SLCO6A1: variants seen among roughly 807,000 people sequenced by gnomAD.
SLCO6A1 encodes the protein solute carrier organic anion transporter family member 6A1.
In SLCO6A1, 65 loss-of-function variants were observed where a neutral mutation model predicts 72.7. That is an observed-to-expected ratio of 0.89 (90% confidence interval 0.73 to 1.10). The LOEUF (loss-of-function observed/expected upper bound fraction) is 1.10, where lower values mean the gene tolerates loss of function less well. SLCO6A1 is among the 50% of genes least tolerant of loss of function. SLCO6A1 has a pLI of 0.00. For missense variants in SLCO6A1, 874 were observed against 872.6 expected (o/e 1.00, Z -0.02); for synonymous variants, 314 against 298.2 (o/e 1.05, Z -0.55).
At chr5:102,432,025 G>T (rs1435710760) in intron 7 of SLCO6A1, among the ~76,000 whole-genome samples, 1 of 152,068 alleles carries the variant, frequency 6.6e-6, no homozygotes, top group Admixed American at 6.5e-5. Flanking sequence ...TTTATTTAAA[G>T]TCTGAAATTA....
intron 8 of SLCO6A1, among the ~76,000 whole-genome samples, chr5:102,416,072 A>G (rs895412456): frequency 6.6e-6 from 1 of 152,122 alleles, no homozygotes. Context: ...GTTAGAAAAG[A>G]TATGGAGAAA....
At chr5:102,433,295 C>G (rs1041736690) in intron 7 of SLCO6A1, among the ~76,000 whole-genome samples, 6 of 152,120 alleles carry the variant, frequency 3.9e-5, no homozygotes, top group Non-Finnish European at 5.9e-5. Context: ...GGTTAAGGAC[C>G]CTTGCTGGAG....
At chr5:102,460,899 C>CATATAT (rs60973292) in intron 4 of SLCO6A1, among the ~76,000 whole-genome samples, 95 of 130,104 alleles carry the variant, frequency 7.3e-4, no homozygotes, top group East Asian at 1.1e-3. Flanking sequence ...CCACTTATCT[C>CATATAT]ATATATATAT....
intron 7 of SLCO6A1, among the ~76,000 whole-genome samples, chr5:102,437,007 A>C (rs1749576971): frequency 6.6e-6 from 1 of 152,226 alleles, no homozygotes; most frequent in Non-Finnish European, 1.5e-5. Flanking sequence ...TTAGAAGATT[A>C]GAAATTTCTC....
rs1176301376 is a variant in SLCO6A1, at chr5:102,477,659, G to C, written c.802+17C>G. The C allele has an allele frequency of 2.5e-6, 4 of 1,602,050 alleles. No homozygotes were observed. Among genetic ancestry groups the C allele is most frequent in the Non-Finnish European group, 2.6e-6 (3 of 1,173,462 alleles). On this transcript the variant is annotated intron_variant, in intron 3 of 13. Coordinates refer to ENST00000506729, the MANE Select transcript of SLCO6A1 (RefSeq NM_173488.5). Reference sequence around the variant, plus strand: ...AACTCAAAATGGGTCAATCGTAATAGAGGGGGTAAAACTTGCCTAAATAGA... The same window carrying C: ...AACTCAAAATGGGTCAATCGTAATACAGGGGGTAAAACTTGCCTAAATAGA...
rs138560457 is a variant in SLCO6A1, at chr5:102,461,300, T to C, written c.900-1523A>G. 2.1e-3 allele frequency among the ~76,000 whole-genome samples: 317 copies of C among 151,962 alleles called. 3 individuals are homozygous for C. The highest frequency in any genetic ancestry group is 7.3e-3 in the African/African-American group (301 of 41,486). On this transcript the variant is annotated intron_variant, in intron 4 of 13. Transcript: ENST00000506729. ...GAAATTATAAATCTTTATTGAAGGGTATAAAAGAAAAACAGAGAAAATAGT... is the reference window on the plus strand; with the variant it reads ...GAAATTATAAATCTTTATTGAAGGGCATAAAAGAAAAACAGAGAAAATAGT...
intron 7 of SLCO6A1, among the ~76,000 whole-genome samples, chr5:102,434,394 T>C (rs998689986): frequency 2.6e-5 from 4 of 152,180 alleles, no homozygotes; most frequent in Non-Finnish European, 4.4e-5. Flanking sequence ...TTCTTTCATG[T>C]AATGCAACTC....
intron 7 of SLCO6A1, among the ~76,000 whole-genome samples, chr5:102,438,314 G>A (rs182213524): frequency 6.6e-6 from 1 of 152,050 alleles, no homozygotes. Context: ...ATATAGACAA[G>A]CACATAAGCA....
intron 12 of SLCO6A1, 134 bp downstream of exon 12, chr5:102,388,554 A>T: frequency 1.7e-6 from 1 of 587,176 alleles, no homozygotes. Context: ...TCTATTTTGC[A>T]GGTTAAGCCT....
At chr5:102,395,111 A>G (rs1421221180) in intron 10 of SLCO6A1, among the ~76,000 whole-genome samples, 1 of 152,092 alleles carries the variant, frequency 6.6e-6, no homozygotes, top group Admixed American at 6.5e-5. Flanking sequence ...ACATATATAT[A>G]TATGTGTCAT....
intron 10 of SLCO6A1, among the ~76,000 whole-genome samples, chr5:102,395,885 GTTGT>G (rs758698099): frequency 2.0e-5 from 3 of 152,126 alleles, no homozygotes; most frequent in Non-Finnish European, 2.9e-5. Context: ...TTTTGATGGG[GTTGT>G]TTGTTTTTTT....
At chr5:102,477,479 T>G (rs112704257) in intron 3 of SLCO6A1, among the ~76,000 whole-genome samples, 197 bp downstream of exon 3, 3 of 152,112 alleles carry the variant, frequency 2.0e-5, no homozygotes, top group Admixed American at 2.0e-4. Context: ...TCAGGTGACT[T>G]GTCTAGAATC....
intron 4 of SLCO6A1, among the ~76,000 whole-genome samples, chr5:102,473,605 C>T (rs1422145169): frequency 6.6e-6 from 1 of 151,848 alleles, no homozygotes; most frequent in Non-Finnish European, 1.5e-5. Flanking sequence ...ACTGGAAGGT[C>T]CTAGCCAGAA....
chr5:102,427,864 ATTTTTTTTT>A (rs1200200259), intron 7 of SLCO6A1, among the ~76,000 whole-genome samples: 2,080 of 76,220 alleles, frequency 0.027, 37 homozygotes, highest in African/African-American at 0.091. Flanking sequence ...ATATATATAT[ATTTTTTTTT>A]TTTTTTTTTT....
At chr5:102,398,470 G>A (rs1286834785) in intron 10 of SLCO6A1, among the ~76,000 whole-genome samples, 6 of 152,170 alleles carry the variant, frequency 3.9e-5, no homozygotes, top group South Asian at 2.1e-4. Context: ...GAGCCACCGC[G>A]CCTGGCCACC....
intron 7 of SLCO6A1, among the ~76,000 whole-genome samples, chr5:102,426,088 C>T (rs1455262839): frequency 2.0e-5 from 3 of 151,958 alleles, no homozygotes; most frequent in African/African-American, 7.3e-5. Flanking sequence ...GAAACTGGAC[C>T]CCTTCCTTAC....
chr5:102,432,661 T>C (rs1749283725), intron 7 of SLCO6A1, among the ~76,000 whole-genome samples: 1 of 152,192 alleles, frequency 6.6e-6, no homozygotes. Flanking sequence ...CTAATAAGCT[T>C]TCCTTTGTAG....
intron 9 of SLCO6A1, among the ~76,000 whole-genome samples, chr5:102,404,018 A>G (rs1418014507): frequency 1.3e-5 from 2 of 152,156 alleles, no homozygotes; most frequent in East Asian, 3.9e-4. Flanking sequence ...AAGTACATAC[A>G]TCACCATTTA....
rs377721110 is a variant in SLCO6A1 at position 102,410,767 on chromosome 5, G to A, written c.1626+2223C>T. On this transcript the variant is annotated intron_variant, in intron 9 of 13. Coordinates refer to ENST00000506729, the MANE Select transcript of SLCO6A1 (RefSeq NM_173488.5). ...AGCCTCAATTTACATAAATGCCAAA[G>A]GACAAACAGAAATAACATATATTCG... Among the ~76,000 whole-genome samples the A allele has an allele frequency of 3.9e-5, 6 of 152,076 alleles. No individual in the cohort carries two copies. In the East Asian group the frequency reaches 9.6e-4, roughly 24 times the overall value.
Sources: gnomAD v4.1 joint callset for allele counts (sites outside exome capture counted in the v4.1 genomes callset) on GRCh38, gnomAD v4.1.1 for gene constraint, MANE v1.5 for transcripts, NCBI Gene and HGNC (gene_info 2026-07-23, HGNC 2026-07-21) for gene names.